The following CEP76 variants were observed in gnomAD, a reference collection of about 807,000 sequenced individuals.
CEP76 encodes centrosomal protein of 76 kDa.
Under a neutral mutation model 83.3 loss-of-function variants are expected in CEP76, and 55 were observed. The ratio of observed to expected loss-of-function variants is 0.66; its 90% confidence interval spans 0.53 to 0.83. The LOEUF (loss-of-function observed/expected upper bound fraction) is 0.83, where lower values mean the gene tolerates loss of function less well. Ranked by LOEUF, CEP76 falls within the 40% of genes least tolerant of loss-of-function variation. CEP76 has a pLI of 0.00. For synonymous variants in CEP76, 270 were observed against 274.5 expected (o/e 0.98, Z 0.16); for missense variants, 694 against 799.5 (o/e 0.87, Z 1.59).
chr18:12,663,712 G>A (rs1313189300), intron 12 of CEP76, among the ~76,000 whole-genome samples: 1 of 152,164 alleles, frequency 6.6e-6, no homozygotes, highest in African/African-American at 2.4e-5. Flanking sequence ...CTTTGCTGAT[G>A]AGACAATGCA....
intron 6 of CEP76, 42 bp from the exon 7 acceptor site, chr18:12,691,529 C>CT: frequency 7.0e-7 from 1 of 1,422,434 alleles, no homozygotes; most frequent in Non-Finnish European, 9.7e-7. Context: ...TATTCATTAT[C>CT]TTTAATTACT....
At chr18:12,664,041 G>C (rs1180158913) in intron 12 of CEP76, among the ~76,000 whole-genome samples, 1 of 152,234 alleles carries the variant, frequency 6.6e-6, no homozygotes, top group Admixed American at 6.5e-5. Flanking sequence ...GTGCATGCCT[G>C]TAATCCCAGC....
chr18:12,680,656 A>T lies in CEP76; in HGVS notation c.1289+6T>A, dbSNP rs781548302. Reference sequence around the variant, plus strand: ...TTTAATATCCTTATAAACTTAGTAAACTAACCTGTGTCCTGTTAAACTCTC... The same window carrying T: ...TTTAATATCCTTATAAACTTAGTAATCTAACCTGTGTCCTGTTAAACTCTC... On this transcript the variant is annotated splice_donor_region_variant and intron_variant, in intron 9 of 11. Transcript: ENST00000262127. 7 of 1,588,938 alleles carry T rather than the reference A, an allele frequency of 4.4e-6. No homozygotes were observed. The Admixed American group carries it at 1.3e-4, about 30-fold the overall frequency.
Position 12,678,289 on chromosome 18 carries a change from A to G in CEP76, c.1443T>C (p.Asp481=), listed in dbSNP as rs2039217414. Residue 481 remains aspartate, a synonymous_variant, in exon 10 of 12, where the codon GAT becomes GAC. Coordinates refer to ENST00000262127, the MANE Select transcript of CEP76 (RefSeq NM_024899.4). ...PSDAVETCVF[D]LNDESKWKPM... ...GTTTCCATTTGGATTCATCGTTCAA[A>G]TCAAATACACAGGTTTCTACTGCAT... 6.2e-7 allele frequency: 1 copy of G among 1,614,160 alleles called. No individual in the cohort carries two copies. Among genetic ancestry groups the G allele is most frequent in the Non-Finnish European group, 8.5e-7 (1 of 1,180,034 alleles).
intron 8 of CEP76, among the ~76,000 whole-genome samples, chr18:12,683,186 C>T (rs868058472): frequency 3.1e-5 from 2 of 63,662 alleles, no homozygotes; most frequent in African/African-American, 1.2e-4. Flanking sequence ...CTAAAAATAC[C>T]AAAAAAAAAA....
chr18:12,693,835 T>C (rs765489066), intron 6 of CEP76, among the ~76,000 whole-genome samples: 24 of 152,112 alleles, frequency 1.6e-4, no homozygotes, highest in Non-Finnish European at 2.5e-4. Context: ...TATGTGTGTA[T>C]ACACCATTTA....
In CEP76 at chr18:12,702,520, T is replaced by C. The variant is rs2040195451; in HGVS notation, c.29A>G (p.Glu10Gly). 2 of 1,608,992 alleles carry C rather than the reference T, an allele frequency of 1.2e-6. No individual in the cohort carries two copies. The highest frequency in any genetic ancestry group is 1.7e-5 in the Admixed American group (1 of 59,636). The change falls in exon 1 of 12, where the codon GAG (glutamate) becomes GGG (glycine). Residue 10 changes from glutamate (E) to glycine (G), a missense_variant. Transcript: ENST00000262127. ...CTGCTGGTGGATGAGCTGCTTCAGC[T>C]CGGAGGCTTTCTCCGGAGGCAGCGA... MSLPPEKAS[E>G]LKQLIHQQLS...
At chr18:12,690,029 T>C (rs1389963967) in intron 7 of CEP76, among the ~76,000 whole-genome samples, 1 of 152,190 alleles carries the variant, frequency 6.6e-6, no homozygotes, top group East Asian at 1.9e-4. Flanking sequence ...CCTCAGAGGA[T>C]CCACCTGCCT....
chr18:12,698,026 G>A (rs2040015285), intron 4 of CEP76, among the ~76,000 whole-genome samples: 2 of 151,724 alleles, frequency 1.3e-5, no homozygotes, highest in Non-Finnish European at 2.9e-5. Context: ...GAAACATAGT[G>A]TAAAACAATT....
chr18:12,696,593 G>A (rs187574144), intron 5 of CEP76, among the ~76,000 whole-genome samples: 9 of 152,244 alleles, frequency 5.9e-5, no homozygotes, highest in African/African-American at 1.7e-4. Flanking sequence ...AAAAACCAAA[G>A]TAATTCCATT....
chr18:12,678,656 A>G (rs1042621868), intron 9 of CEP76, among the ~76,000 whole-genome samples: 9 of 152,132 alleles, frequency 5.9e-5, no homozygotes, highest in African/African-American at 2.2e-4. Flanking sequence ...TTAACAACAG[A>G]ATACATTCTA....
intron 8 of CEP76, among the ~76,000 whole-genome samples, chr18:12,683,732 CAA>C (rs1352954287): frequency 6.7e-6 from 1 of 150,352 alleles, no homozygotes; most frequent in African/African-American, 2.5e-5. Context: ...GCCTGGGCGA[CAA>C]GAGGAAAACT....
intron 10 of CEP76, among the ~76,000 whole-genome samples, chr18:12,675,121 G>A (rs1323495960): frequency 6.6e-6 from 1 of 152,154 alleles, no homozygotes; most frequent in Admixed American, 6.5e-5. Context: ...TTTAGGCCGG[G>A]TGCGGTGGCT....
chr18:12,674,795 A>G (rs2039063192), intron 10 of CEP76, 42 bp from the exon 11 acceptor site: 1 of 1,321,980 alleles, frequency 7.6e-7, no homozygotes, highest in Non-Finnish European at 1.1e-6. Flanking sequence ...AAATACATTA[A>G]TATTTTTAAA....
Position 12,674,725 on chromosome 18 carries a change from T to C in CEP76, c.1652A>G (p.Asp551Gly), listed in dbSNP as rs746237395. The C allele has an allele frequency of 6.2e-7, 1 of 1,614,024 alleles. No homozygotes were observed. The highest frequency in any genetic ancestry group is 8.5e-7 in the Non-Finnish European group (1 of 1,179,952). ...KDLGLTTVWE[D>G]QLSYLLSPAL... is the part of the protein sequence containing the mutation. ...TGGTGATAAAAGGTAGGAGAGCTGG[T>C]CTTCCCAAACAGTAGTGAGGCCAAG... Residue 551 changes from aspartate (D) to glycine (G), a missense_variant, in exon 11 of 12, where the codon GAC (aspartate) becomes GGC (glycine). Asp to Gly is a moderately conservative substitution (Grantham distance 94, BLOSUM62 -1). Coordinates refer to ENST00000262127, the MANE Select transcript of CEP76 (RefSeq NM_024899.4).
At chr18:12,676,301 T>TG in intron 10 of CEP76, among the ~76,000 whole-genome samples, 1 of 147,876 alleles carries the variant, frequency 6.8e-6, no homozygotes, top group South Asian at 2.2e-4. Flanking sequence ...TTTTTTTTTT[T>TG]GAGACAGGGT....
downstream of CEP76, among the ~76,000 whole-genome samples, chr18:12,672,408 G>T (rs149566359): frequency 6.6e-6 from 1 of 152,140 alleles, no homozygotes; most frequent in Non-Finnish European, 1.5e-5. Flanking sequence ...AAACCACTAC[G>T]CCGAGCCTTA....
At chr18:12,663,267 A>C (rs374087754) in intron 12 of CEP76, among the ~76,000 whole-genome samples, 44 of 152,336 alleles carry the variant, frequency 2.9e-4, no homozygotes, top group African/African-American at 1.0e-3. Flanking sequence ...AATTAAAAAC[A>C]AAATAAGGCC....
At chr18:12,681,311 G>A (rs1178088748) in intron 8 of CEP76, among the ~76,000 whole-genome samples, 2 of 144,306 alleles carry the variant, frequency 1.4e-5, no homozygotes, top group Non-Finnish European at 3.0e-5. Flanking sequence ...CCAGGCTGGT[G>A]ACATGATTCA....
Sources: gnomAD v4.1 joint callset for allele counts (sites outside exome capture counted in the v4.1 genomes callset) on GRCh38, gnomAD v4.1.1 for gene constraint, MANE v1.5 for transcripts, NCBI Gene and HGNC (gene_info 2026-07-23, HGNC 2026-07-21) for gene names.